CFAP47: variants seen among roughly 807,000 people sequenced by gnomAD.
CFAP47 encodes cilia- and flagella-associated protein 47.
CFAP47 carries 29 observed loss-of-function variants against 148.1 expected under a neutral mutation model. That is an observed-to-expected ratio of 0.20 (90% confidence interval 0.15 to 0.27). The LOEUF (loss-of-function observed/expected upper bound fraction) is 0.27, where lower values mean the gene tolerates loss of function less well. Among genes scored for constraint, CFAP47 ranks in the 10% least tolerant of loss-of-function variants. The probability of loss-of-function intolerance (pLI) is 1.00; values close to 1 mark genes in which losing one functional copy is unlikely to be tolerated. For synonymous variants in CFAP47, 664 were observed against 577.3 expected (o/e 1.15, Z -2.15); for missense variants, 1,872 against 1,697.5 (o/e 1.10, Z -1.81).
chrX:35,988,743 C>T (rs1427025145), intron 15 of CFAP47, among the ~76,000 whole-genome samples: 2 of 112,013 alleles, frequency 1.8e-5, no homozygotes, highest in Admixed American at 1.9e-4. Context: ...GATAAAACAG[C>T]TCACTCCAAA....
At chrX:36,250,303 C>T (rs960194978) in intron 48 of CFAP47, among the ~76,000 whole-genome samples, 4 of 110,921 alleles carry the variant, frequency 3.6e-5, no homozygotes, top group African/African-American at 1.3e-4. Flanking sequence ...TGAAGTAAGC[C>T]AGGCACAGAA....
chrX:36,265,826 G>T (rs1940884655), intron 49 of CFAP47, among the ~76,000 whole-genome samples: 2 of 111,786 alleles, frequency 1.8e-5, no homozygotes, highest in African/African-American at 3.3e-5. Context: ...TTCCATCTGT[G>T]AGGGCTGATG....
At chrX:36,166,968 G>A (rs192956856) in intron 39 of CFAP47, among the ~76,000 whole-genome samples, 55 of 111,555 alleles carry the variant, frequency 4.9e-4, no homozygotes, top group African/African-American at 1.6e-3. Context: ...AATTCCCTGC[G>A]TGGGGTGGGG....
At chrX:36,082,483 T>G (rs1938001451) in intron 29 of CFAP47, among the ~76,000 whole-genome samples, 1 of 111,917 alleles carries the variant, frequency 8.9e-6, no homozygotes, top group South Asian at 3.7e-4. Flanking sequence ...ATTGTAGAAA[T>G]AACATTTTCT....
intron 26 of CFAP47, among the ~76,000 whole-genome samples, chrX:36,061,986 C>T (rs1228457427): frequency 1.8e-5 from 2 of 111,794 alleles, no homozygotes; most frequent in African/African-American, 3.3e-5. Flanking sequence ...TTTAACCCTT[C>T]GTAGCCACTG....
Position 36,340,732 on chromosome X carries a change from G to A in CFAP47, c.8444-7397G>A, listed in dbSNP as rs369389029. On this transcript the variant is annotated intron_variant, in intron 57 of 63. Coordinates refer to ENST00000378653, the MANE Select transcript of CFAP47 (RefSeq NM_001304548.2). ...CAACATATGAATTTTTATGTTGGGG[G>A]CACAATTCAGCCCCTAACATCTAGG... is the stretch of plus-strand genomic sequence containing the variant. 3.6e-5 allele frequency among the ~76,000 whole-genome samples: 4 copies of A among 111,047 alleles called. No homozygotes were observed. In the East Asian group the frequency reaches 1.1e-3, roughly 31 times the overall value.
At chrX:36,330,238 T>C (rs797040803) in intron 57 of CFAP47, among the ~76,000 whole-genome samples, 1 of 80,394 alleles carries the variant, frequency 1.2e-5, no homozygotes, top group Non-Finnish European at 2.4e-5. Context: ...ATTGCTGCAT[T>C]AATACTGAGT....
At chrX:36,017,724 T>G (rs1937112190) in intron 22 of CFAP47, among the ~76,000 whole-genome samples, 1 of 111,352 alleles carries the variant, frequency 9.0e-6, no homozygotes, top group South Asian at 3.7e-4. Context: ...GGTTTGTCTA[T>G]TTCATTGCGT....
intron 33 of CFAP47, among the ~76,000 whole-genome samples, chrX:36,110,996 G>C (rs1938546509): frequency 8.9e-6 from 1 of 111,877 alleles, no homozygotes. Context: ...AGCATAAGGA[G>C]TTTTTGGGTT....
At chrX:36,062,016 AT>A (rs1314092748) in intron 26 of CFAP47, among the ~76,000 whole-genome samples, 2 of 110,564 alleles carry the variant, frequency 1.8e-5, no homozygotes, top group East Asian at 2.8e-4. Flanking sequence ...CCAACATATA[AT>A]TTTTTTTTCT....
intron 18 of CFAP47, among the ~76,000 whole-genome samples, chrX:35,995,827 A>G (rs747434239): frequency 9.1e-4 from 101 of 111,264 alleles, no homozygotes; most frequent in African/African-American, 3.3e-3. Flanking sequence ...TGGAATGATA[A>G]AAGTTGAAAG....
intron 57 of CFAP47, among the ~76,000 whole-genome samples, chrX:36,330,175 G>A (rs73629601): frequency 0.011 from 1,196 of 111,395 alleles, 20 homozygotes; most frequent in African/African-American, 0.036. Context: ...CTATCTTCCA[G>A]CTTCTATTAA....
chrX:36,310,771 G>A, intron 55 of CFAP47, 62 bp from the exon 56 acceptor site: 1 of 754,339 alleles, frequency 1.3e-6, no homozygotes, highest in Admixed American at 4.5e-5. Context: ...TACTTATTAA[G>A]TATTGCAAAT....
intron 48 of CFAP47, among the ~76,000 whole-genome samples, chrX:36,249,553 A>G (rs1555997773): frequency 9.0e-6 from 1 of 111,290 alleles, no homozygotes; most frequent in Non-Finnish European, 1.9e-5. Flanking sequence ...ACAGTCTTAG[A>G]TGGCTTTAAT....
At chrX:36,177,325 A>G (rs908883019) in intron 39 of CFAP47, among the ~76,000 whole-genome samples, 3 of 112,208 alleles carry the variant, frequency 2.7e-5, no homozygotes, top group Non-Finnish European at 3.8e-5. Context: ...TTGTGTGTCA[A>G]ATTTTATGAT....
intron 48 of CFAP47, among the ~76,000 whole-genome samples, chrX:36,245,174 A>G (rs1940599661): frequency 9.0e-6 from 1 of 111,498 alleles, no homozygotes; most frequent in South Asian, 3.7e-4. Flanking sequence ...CATGGGAAAC[A>G]CCTTCAAGAG....
intron 57 of CFAP47, among the ~76,000 whole-genome samples, chrX:36,340,381 G>A (rs1164100037): frequency 1.3e-4 from 15 of 111,857 alleles, no homozygotes; most frequent in African/African-American, 4.9e-4. Flanking sequence ...TAGTTTGCTA[G>A]GGCTGCCATA....
chrX:35,925,949 C>T, intron 1 of CFAP47, 68 bp from the exon 2 acceptor site: 1 of 962,770 alleles, frequency 1.0e-6, no homozygotes, highest in Non-Finnish European at 1.4e-6. Context: ...GCCATTGTGC[C>T]CAGCCATGGT....
chrX:36,220,205 A>G (rs1334791634), intron 45 of CFAP47, among the ~76,000 whole-genome samples: 1 of 111,302 alleles, frequency 9.0e-6, no homozygotes, highest in African/African-American at 3.3e-5. Context: ...ATGTAAAATT[A>G]CCTTCAGGCT....
Sources: allele counts gnomAD v4.1 joint callset (sites outside exome capture counted in the v4.1 genomes callset), GRCh38; gene constraint gnomAD v4.1.1; transcripts MANE v1.5; gene names NCBI Gene and HGNC (gene_info 2026-07-23, HGNC 2026-07-21).